Variants in DAB1 observed in about 807,000 individuals in gnomAD.
The protein encoded by DAB1 is disabled homolog 1.
A neutral mutation model predicts 64.6 loss-of-function variants in DAB1; 15 were observed. The observed-to-expected ratio is 0.23, with a 90% confidence interval of 0.16 to 0.36. The LOEUF is 0.36. DAB1 is among the 10% of genes least tolerant of loss of function. The pLI, the probability that DAB1 is intolerant of heterozygous loss-of-function variation, is 1.00. For missense variants in DAB1, 596 were observed against 706.7 expected, an observed-to-expected ratio of 0.84 and a Z score of 1.78; for synonymous variants, 235 against 251.9, an observed-to-expected ratio of 0.93 and a Z score of 0.64.
intron 11 of DAB1, among the ~76,000 whole-genome samples, chr1:57,015,772 C>T (rs967346621): frequency 6.6e-6 from 1 of 152,198 alleles, no homozygotes; most frequent in Admixed American, 6.5e-5. Context: ...GGCAGGCCTC[C>T]TGGGTTTTCT....
intron 5 of DAB1, among the ~76,000 whole-genome samples, chr1:58,043,059 C>T (rs906133751): frequency 2.0e-5 from 3 of 152,160 alleles, no homozygotes; most frequent in Non-Finnish European, 2.9e-5. Flanking sequence ...AAAGGAAATA[C>T]ATGCAGATCA....
At chr1:58,032,239 T>G (rs1646983065) in intron 5 of DAB1, among the ~76,000 whole-genome samples, 1 of 152,110 alleles carries the variant, frequency 6.6e-6, no homozygotes, top group Non-Finnish European at 1.5e-5. Context: ...CTAAATGACC[T>G]TAGCATCCAT....
At chr1:57,650,685 A>G (rs1570705893) in intron 6 of DAB1, among the ~76,000 whole-genome samples, 1 of 152,156 alleles carries the variant, frequency 6.6e-6, no homozygotes, top group South Asian at 2.1e-4. Flanking sequence ...TTCTACAGAG[A>G]GCATGCATTA....
chr1:57,691,007 A>G (rs1024248934), intron 6 of DAB1, among the ~76,000 whole-genome samples: 2 of 152,058 alleles, frequency 1.3e-5, no homozygotes, highest in East Asian at 3.9e-4. Context: ...TTTTTTTCCT[A>G]TACAGTTGTT....
chr1:57,936,783 G>T (rs1266623855), intron 5 of DAB1, among the ~76,000 whole-genome samples: 2 of 152,062 alleles, frequency 1.3e-5, no homozygotes, highest in Non-Finnish European at 2.9e-5. Flanking sequence ...TCCATTAGCA[G>T]TTTCCAATCA....
chr1:57,979,185 T>G (rs957034233), intron 5 of DAB1, among the ~76,000 whole-genome samples: 2 of 152,182 alleles, frequency 1.3e-5, no homozygotes, highest in Non-Finnish European at 2.9e-5. Flanking sequence ...AATAATAGAC[T>G]GGATAAAGAA....
At position 57,488,135 on chromosome 1, in the gene DAB1, G is replaced by A. The variant is rs911304590; in HGVS notation, n.625+161457C>T. On this transcript the variant is annotated intron_variant and non_coding_transcript_variant, in intron 7 of 20. Transcript: ENST00000485760. ...TGTATATTTGGGGGCCAGACACGGC[G>A]GCTCACACCTGTAATCCAAGAACTT... 5.3e-5 allele frequency among the ~76,000 whole-genome samples: 8 copies of A among 152,176 alleles called. No homozygotes were observed. The South Asian group carries it at 6.2e-4, about 12-fold the overall frequency.
intron 4 of DAB1, among the ~76,000 whole-genome samples, chr1:58,177,208 C>T (rs963876826): frequency 2.0e-5 from 3 of 152,098 alleles, no homozygotes; most frequent in Admixed American, 6.6e-5. Flanking sequence ...CCTTGGGAAC[C>T]GAGGTCAGCA....
chr1:58,479,247 C>CT (rs951238699), intron 3 of DAB1, among the ~76,000 whole-genome samples: 1 of 152,128 alleles, frequency 6.6e-6, no homozygotes, highest in Non-Finnish European at 1.5e-5. Flanking sequence ...CTCCAAGTGT[C>CT]TTTATATGTT....
At chr1:57,963,259 G>A (rs966664283) in intron 5 of DAB1, among the ~76,000 whole-genome samples, 1 of 152,152 alleles carries the variant, frequency 6.6e-6, no homozygotes. Flanking sequence ...CATGACTAAT[G>A]CCATGAAGAA....
Position 57,577,921 on chromosome 1 carries a change from G to T in DAB1, n.625+71671C>A, listed in dbSNP as rs139684780. Among the ~76,000 whole-genome samples the T allele has an allele frequency of 1.7e-3, 262 of 152,282 alleles. 1 individual carries two copies. Among genetic ancestry groups the T allele is most frequent in the Non-Finnish European group, 2.9e-3 (200 of 68,020 alleles). ...CTGAAAATGTGCTCCAATGAGCAGA[G>T]GAAATATAAAACAGCTGGTTCTGAA... On this transcript the variant is annotated intron_variant and non_coding_transcript_variant, in intron 7 of 20. Coordinates refer to the DAB1 transcript ENST00000485760.
intron 3 of DAB1, among the ~76,000 whole-genome samples, chr1:58,412,043 C>T (rs1209556615): frequency 2.0e-5 from 3 of 152,192 alleles, no homozygotes; most frequent in Non-Finnish European, 4.4e-5. Context: ...ATAACCCATT[C>T]TCTGACCATA....
intron 3 of DAB1, among the ~76,000 whole-genome samples, chr1:58,423,171 T>G (rs758842183): frequency 6.6e-6 from 1 of 152,210 alleles, no homozygotes; most frequent in Non-Finnish European, 1.5e-5. Context: ...ATATAAAGCC[T>G]GAGAAACCTC....
chr1:57,338,792 C>T lies in DAB1; in HGVS notation c.-136-47626G>A, dbSNP rs1397348665. Among the ~76,000 whole-genome samples the T allele has an allele frequency of 1.3e-5, 2 of 152,060 alleles. 1 individual carries two copies. Among genetic ancestry groups the T allele is most frequent in the East Asian group, 3.9e-4 (2 of 5,168 alleles). On this transcript the variant is annotated intron_variant, in intron 1 of 14. Coordinates refer to ENST00000371236, the MANE Select transcript of DAB1 (RefSeq NM_001365792.1). The stretch of plus-strand genomic sequence containing the variant: ...GCCCTGCCCTGACAGGATCAGGGGC[C>T]CCAAGTCATCTTGGCTCTGTTGTCT...
intron 7 of DAB1, among the ~76,000 whole-genome samples, chr1:57,595,998 T>G (rs1415018269): frequency 1.3e-5 from 2 of 152,220 alleles, no homozygotes; most frequent in African/African-American, 4.8e-5. Context: ...CAGACATTTC[T>G]TTATAGTGAT....
At chr1:57,892,813 C>T (rs1265239581) in intron 5 of DAB1, among the ~76,000 whole-genome samples, 1 of 152,192 alleles carries the variant, frequency 6.6e-6, no homozygotes, top group Non-Finnish European at 1.5e-5. Context: ...CAATTCCTGA[C>T]AGACAGTAGA....
intron 5 of DAB1, among the ~76,000 whole-genome samples, chr1:58,142,119 A>C (rs1472012999): frequency 6.6e-6 from 1 of 151,948 alleles, no homozygotes; most frequent in Non-Finnish European, 1.5e-5. Flanking sequence ...CCATCCCTGA[A>C]TAAGAGGCAT....
intron 5 of DAB1, among the ~76,000 whole-genome samples, chr1:58,044,283 G>T (rs1376223110): frequency 6.6e-6 from 1 of 152,042 alleles, no homozygotes; most frequent in Non-Finnish European, 1.5e-5. Flanking sequence ...TTTCCTCCAG[G>T]GCTTCTCTGT....
intron 4 of DAB1, chr1:58,228,743 GC>G: frequency 2.9e-6 from 3 of 1,047,150 alleles, no homozygotes; most frequent in Non-Finnish European, 4.3e-6. Flanking sequence ...GCCACATCAG[GC>G]CCACGTTGAT....
Sources: allele counts gnomAD v4.1 joint callset (sites outside exome capture counted in the v4.1 genomes callset), GRCh38; gene constraint gnomAD v4.1.1; transcripts MANE v1.5; gene names NCBI Gene and HGNC (gene_info 2026-07-23, HGNC 2026-07-21).